The following ATP8B1 variants were observed in gnomAD, a reference collection of about 807,000 sequenced individuals.
ATP8B1 encodes the protein phospholipid-transporting ATPase IC.
In ATP8B1, 80 loss-of-function variants were observed where a neutral mutation model predicts 149.9. The observed-to-expected ratio is 0.53, with a 90% confidence interval of 0.45 to 0.64. The LOEUF (loss-of-function observed/expected upper bound fraction) is 0.64, where lower values mean the gene tolerates loss of function less well. ATP8B1 is among the 30% of genes least tolerant of loss of function. The pLI, the probability that ATP8B1 is intolerant of heterozygous loss-of-function variation, is 0.00. For missense variants in ATP8B1, 1,247 were observed against 1,552.6 expected, an observed-to-expected ratio of 0.80 and a Z score of 3.31; for synonymous variants, 536 against 562.8, an observed-to-expected ratio of 0.95 and a Z score of 0.67.
At chr18:57,658,889 A>G (rs1190383130) in intron 22 of ATP8B1, among the ~76,000 whole-genome samples, 2 of 152,198 alleles carry the variant, frequency 1.3e-5, no homozygotes, top group Admixed American at 6.5e-5. Context: ...TACAAAGTAC[A>G]TAAAGGCACT....
intron 13 of ATP8B1, among the ~76,000 whole-genome samples, chr18:57,687,290 A>T (rs1912299071): frequency 6.6e-6 from 1 of 152,194 alleles, no homozygotes; most frequent in Non-Finnish European, 1.5e-5. Context: ...CTTTGTCTCT[A>T]TAAATCTGAT....
intron 1 of ATP8B1, among the ~76,000 whole-genome samples, chr18:57,769,793 C>T (rs1408695212): frequency 6.6e-6 from 1 of 152,186 alleles, no homozygotes; most frequent in Non-Finnish European, 1.5e-5. Flanking sequence ...ATTTGTAATT[C>T]TGATTTCATA....
At chr18:57,664,981 G>A (rs998740213) in intron 20 of ATP8B1, among the ~76,000 whole-genome samples, 5 of 152,000 alleles carry the variant, frequency 3.3e-5, no homozygotes, top group Non-Finnish European at 2.9e-5. Context: ...ATTTTGTGTG[G>A]CCATCCCTTG....
chr18:57,661,542 G>A, intron 21 of ATP8B1, 80 bp from the exon 22 acceptor site: 1 of 1,462,638 alleles, frequency 6.8e-7, no homozygotes, highest in Non-Finnish European at 9.4e-7. Flanking sequence ...TAAATTATGT[G>A]AAGGATAATT....
At chr18:57,696,106 A>G (rs1912794091) in intron 8 of ATP8B1, among the ~76,000 whole-genome samples, 1 of 152,164 alleles carries the variant, frequency 6.6e-6, no homozygotes, top group Admixed American at 6.5e-5. Context: ...CCGTCTCACG[A>G]CTGAAGGCTT....
At chr18:57,713,458 A>G (rs1444090017) in intron 2 of ATP8B1, among the ~76,000 whole-genome samples, 2 of 146,180 alleles carry the variant, frequency 1.4e-5, no homozygotes, top group African/African-American at 5.2e-5. Context: ...CACCATGCCC[A>G]GCTAATTTTT....
rs114875032 is a variant in ATP8B1 at position 57,758,778 on chromosome 18, G to C, written c.-25-26946C>G. ...TTAGCAATATCTCCTATAATCACTAGAAGTCACTTCTCAGGCAACTGTTTG... is the reference window on the plus strand; with the variant it reads ...TTAGCAATATCTCCTATAATCACTACAAGTCACTTCTCAGGCAACTGTTTG... On this transcript the variant is annotated intron_variant, in intron 1 of 27. Coordinates refer to ENST00000648908, the MANE Select transcript of ATP8B1 (RefSeq NM_001374385.1). Among the ~76,000 whole-genome samples the C allele has an allele frequency of 8.2e-3, 1,244 of 151,746 alleles. 24 individuals are homozygous for C. The highest frequency in any genetic ancestry group is 0.028 in the African/African-American group (1,151 of 41,336).
chr18:57,772,977 C>T (rs759020953), intron 1 of ATP8B1, among the ~76,000 whole-genome samples: 2 of 151,994 alleles, frequency 1.3e-5, no homozygotes, highest in South Asian at 4.1e-4. Flanking sequence ...AGGCCTGGAG[C>T]GGTGGCTCAT....
intron 12 of ATP8B1, 195 bp from the exon 13 acceptor site, chr18:57,688,702 G>A: frequency 3.2e-6 from 2 of 616,166 alleles, no homozygotes; most frequent in Non-Finnish European, 2.9e-6. Flanking sequence ...CCTTTAGAAG[G>A]TCATTAGGTC....
At chr18:57,680,478 G>A (rs966362603) in intron 15 of ATP8B1, among the ~76,000 whole-genome samples, 3 of 149,446 alleles carry the variant, frequency 2.0e-5, no homozygotes, top group Non-Finnish European at 3.0e-5. Context: ...CCAGCTACTC[G>A]GAGGCTGAGG....
At chr18:57,783,060 G>A (rs2080372544) in intron 1 of ATP8B1, among the ~76,000 whole-genome samples, 1 of 151,994 alleles carries the variant, frequency 6.6e-6, no homozygotes, top group Admixed American at 6.6e-5. Flanking sequence ...TGATCTGCCT[G>A]CCTCAGCCTC....
chr18:57,747,079 T>C (rs1295918996), intron 1 of ATP8B1, among the ~76,000 whole-genome samples: 1 of 152,168 alleles, frequency 6.6e-6, no homozygotes, highest in Non-Finnish European at 1.5e-5. Context: ...TCAGCAAAGA[T>C]CCCCAACCAT....
chr18:57,717,831 G>C (rs952918762), intron 2 of ATP8B1, among the ~76,000 whole-genome samples: 1 of 151,098 alleles, frequency 6.6e-6, no homozygotes, highest in Non-Finnish European at 1.5e-5. Flanking sequence ...CGCCTCCCAG[G>C]TTCAAGCAAT....
At chr18:57,759,145 G>A (rs770163785) in intron 1 of ATP8B1, among the ~76,000 whole-genome samples, 90 of 108,224 alleles carry the variant, frequency 8.3e-4, no homozygotes, top group Non-Finnish European at 1.3e-3. Flanking sequence ...GACAGAACGA[G>A]ATTCCATCTC....
intron 12 of ATP8B1, among the ~76,000 whole-genome samples, chr18:57,688,884 C>G (rs1473918143): frequency 6.6e-6 from 1 of 152,180 alleles, no homozygotes; most frequent in Non-Finnish European, 1.5e-5. Flanking sequence ...TGATTTGAGA[C>G]TTCCCAGCCT....
rs1031031120 is a variant in ATP8B1 at position 57,647,671 on chromosome 18, A to G, written c.*817T>C. ...ATGCTTTGTAATTCTATTGCCCTGG[A>G]TTGAGACTGGATTAAAACGTTCCCT... On this transcript the variant is annotated 3_prime_UTR_variant, in exon 28 of 28. Transcript: ENST00000648908. 3 of 152,712 alleles carry G rather than the reference A, an allele frequency of 2.0e-5. No homozygotes were observed. Among genetic ancestry groups the G allele is most frequent in the Admixed American group, 2.0e-4 (3 of 15,278 alleles). The allele number at this position is 152,712 out of a possible 1,614,324, so 9.5% of individuals were successfully genotyped here. A position where few individuals can be genotyped will look rare whatever the true frequency, so the allele number is the denominator to read the frequency against.
chr18:57,752,207 A>AAATAATAATAATAATAATAATAAT (rs74183222), intron 1 of ATP8B1, among the ~76,000 whole-genome samples: 28 of 138,306 alleles, frequency 2.0e-4, no homozygotes, highest in Non-Finnish European at 2.6e-4. Context: ...ACCCTGTCTC[A>AAATAATAATAATAATAATAATAAT]AATAATAATA....
chr18:57,693,337 G>A (rs1912636375), intron 11 of ATP8B1, among the ~76,000 whole-genome samples: 1 of 152,186 alleles, frequency 6.6e-6, no homozygotes, highest in Admixed American at 6.5e-5. Flanking sequence ...AGGCCGGCTT[G>A]CAAGGTTCGC....
chr18:57,730,228 G>C (rs2079747809), intron 2 of ATP8B1, among the ~76,000 whole-genome samples: 1 of 144,898 alleles, frequency 6.9e-6, no homozygotes, highest in African/African-American at 2.5e-5. Flanking sequence ...CCAAGAAAGA[G>C]AAACTAGAGG....
Sources: allele counts gnomAD v4.1 joint callset (sites outside exome capture counted in the v4.1 genomes callset), GRCh38; gene constraint gnomAD v4.1.1; transcripts MANE v1.5; gene names NCBI Gene and HGNC (gene_info 2026-07-23, HGNC 2026-07-21).